Variants in TSNARE1 observed in about 807,000 individuals in gnomAD.
The protein encoded by TSNARE1 is t-SNARE domain containing 1.
Under a neutral mutation model 62.0 loss-of-function variants are expected in TSNARE1, and 49 were observed. That is an observed-to-expected ratio of 0.79 (90% CI 0.63 to 1.00). The LOEUF is 1.00. Among genes scored for constraint, TSNARE1 ranks in the 50% least tolerant of loss-of-function variants. The pLI, the probability that TSNARE1 is intolerant of heterozygous loss-of-function variation, is 0.00. For missense variants in TSNARE1, 755 were observed against 700.1 expected, an observed-to-expected ratio of 1.08 and a Z score of -0.88; for synonymous variants, 328 against 294.4, an observed-to-expected ratio of 1.11 and a Z score of -1.17.
At chr8:142,258,756 A>T (rs959467630) in intron 12 of TSNARE1, among the ~76,000 whole-genome samples, 1 of 152,106 alleles carries the variant, frequency 6.6e-6, no homozygotes. Context: ...TCCTGACCTC[A>T]AGTGATCCAC....
In TSNARE1 at chr8:142,319,884, G is replaced by A. The variant is rs1473339292; in HGVS notation, c.894-1250C>T. Among the ~76,000 whole-genome samples the A allele has an allele frequency of 6.6e-6, 1 of 152,192 alleles. No homozygotes were observed. The highest frequency in any genetic ancestry group is 1.9e-4 in the East Asian group (1 of 5,178). On this transcript the variant is annotated intron_variant, in intron 6 of 13. Transcript: ENST00000524325. This position sits in a 1 kb window ranked among gnomAD's most constrained non-coding sequence, Gnocchi z 4.9. The stretch of plus-strand genomic sequence containing the variant: ...TACTACAGACTAGGCGGGAAGCGCG[G>A]GGACAGGAGCTTTCTTCCCCGGGGC...
At chr8:142,314,903 C>A in intron 8 of TSNARE1, 100 bp downstream of exon 8, 1 of 1,144,496 alleles carries the variant, frequency 8.7e-7, no homozygotes, top group South Asian at 1.3e-5. Context: ...GATGGGGCTG[C>A]ACCAGGCCCA....
chr8:142,271,315 G>A (rs1000005330), intron 12 of TSNARE1: 175 of 1,123,252 alleles, frequency 1.6e-4, no homozygotes, highest in Non-Finnish European at 1.8e-4. Flanking sequence ...GGCTCTGCTC[G>A]GCCAGCCGCT....
At position 142,363,643 on chromosome 8, in the gene TSNARE1, CAG is replaced by C. The variant is rs1280121126; in HGVS notation, c.-39-8882_-39-8881del. On this transcript the variant is annotated intron_variant, in intron 1 of 13. Transcript: ENST00000524325. ...CCTGCCACTCACCCTGAGGGCCAGA[CAG>C]ACACCACGAACTGGTCCCCACAGGA... Among the ~76,000 whole-genome samples the C allele has an allele frequency of 4.6e-5, 7 of 152,294 alleles. No individual in the cohort carries two copies. The East Asian group carries it at 1.4e-3, about 30-fold the overall frequency.
chr8:142,239,450 G>T (rs1352755088), intron 12 of TSNARE1, among the ~76,000 whole-genome samples: 2 of 152,182 alleles, frequency 1.3e-5, no homozygotes, highest in Non-Finnish European at 2.9e-5. Context: ...TTCAGGAAGG[G>T]GCTAGGACGA....
At chr8:142,364,203 C>T (rs561256846) in intron 1 of TSNARE1, among the ~76,000 whole-genome samples, 6 of 152,288 alleles carry the variant, frequency 3.9e-5, no homozygotes, top group South Asian at 4.1e-4. Flanking sequence ...TGAGGTCTGC[C>T]CTCATGGCAG....
intron 1 of TSNARE1, among the ~76,000 whole-genome samples, chr8:142,379,204 G>C (rs999881282): frequency 6.6e-6 from 1 of 152,218 alleles, no homozygotes; most frequent in Non-Finnish European, 1.5e-5. Context: ...CTGTATAGTG[G>C]GCATGCCTCA....
intron 1 of TSNARE1, among the ~76,000 whole-genome samples, chr8:142,383,716 A>T (rs1436901729): frequency 6.6e-6 from 1 of 152,222 alleles, no homozygotes; most frequent in Non-Finnish European, 1.5e-5. Flanking sequence ...TTCAATGTTC[A>T]CAACCCTAGG....
At chr8:142,286,388 G>T (rs1563831982) in intron 10 of TSNARE1, among the ~76,000 whole-genome samples, 1 of 152,246 alleles carries the variant, frequency 6.6e-6, no homozygotes, top group African/African-American at 2.4e-5. Context: ...TCTGGGAAAT[G>T]AAGCAATTAG....
rs557623158 is a variant in TSNARE1 at position 142,346,580 on chromosome 8, T to A, written c.89-688A>T. Among the ~76,000 whole-genome samples, 3 of 152,308 alleles carry A rather than the reference T, an allele frequency of 2.0e-5. No individual in the cohort carries two copies. In the South Asian group the frequency reaches 6.2e-4, roughly 32 times the overall value. On this transcript the variant is annotated intron_variant, in intron 2 of 13. Coordinates refer to ENST00000524325, the MANE Select transcript of TSNARE1 (RefSeq NM_145003.5). ...CCTTTCGATCCACGGCACCCCAGAG[T>A]CACAGACACGCCGTGTGCGCCAGGC...
intron 11 of TSNARE1, chr8:142,280,271 C>T: frequency 1.1e-5 from 11 of 985,316 alleles, no homozygotes; most frequent in South Asian, 4.7e-5. Flanking sequence ...AGGGCTGCCG[C>T]GGCCGGCTCG....
chr8:142,283,332 G>T (rs1422818337), intron 11 of TSNARE1, among the ~76,000 whole-genome samples: 1 of 150,832 alleles, frequency 6.6e-6, no homozygotes, highest in Admixed American at 6.6e-5. Context: ...AATGAGCAGA[G>T]GCGGGGCCAG....
Position 142,326,406 on chromosome 8 carries a change from C to T in TSNARE1, c.893+4495G>A, listed in dbSNP as rs553128542. On this transcript the variant is annotated intron_variant, in intron 6 of 13. Transcript: ENST00000524325. ...GAGACGGATGAGGAACCAGCACCAG[C>T]GAAGGGGAGGGCCCCGGAGACCATG... Among the ~76,000 whole-genome samples, 14 of 96,376 alleles carry T rather than the reference C, an allele frequency of 1.5e-4. 1 individual carries two copies. The highest frequency in any genetic ancestry group is 3.5e-4 in the African/African-American group (7 of 20,266). 63.2% of individuals were successfully genotyped at this position (96,376 alleles called of 152,430 possible). A position where few individuals can be genotyped will look rare whatever the true frequency, so the allele number is the denominator to read the frequency against.
Position 142,300,513 on chromosome 8 carries a change from C to A in TSNARE1, c.1263G>T (p.Leu421=). 6.2e-7 allele frequency: 1 copy of A among 1,608,272 alleles called. No homozygotes were observed. The highest frequency in any genetic ancestry group is 8.5e-7 in the Non-Finnish European group (1 of 1,179,526). Reference sequence around the variant, plus strand: ...CCATCTGCAGGATGGCCTCCTCCCGCAGCCGGATGGCCTCCAGGTCCTCTT... The same window carrying A: ...CCATCTGCAGGATGGCCTCCTCCCGAAGCCGGATGGCCTCCAGGTCCTCTT... The part of the protein sequence containing the change: ...ITEEDLEAIR[L]REEAILQMES... The change falls in exon 10 of 14, where the codon CTG becomes CTT. Residue 421 remains leucine, a synonymous_variant. Coordinates refer to ENST00000524325, the MANE Select transcript of TSNARE1 (RefSeq NM_145003.5).
At chr8:142,256,380 C>A (rs952562373) in intron 12 of TSNARE1, among the ~76,000 whole-genome samples, 17 of 270 alleles carry the variant, frequency 0.063, no homozygotes, top group Admixed American at 0.12. Context: ...TCACCACCAT[C>A]ATCATCACCA....
intron 12 of TSNARE1, among the ~76,000 whole-genome samples, chr8:142,249,811 C>T (rs1356270503): frequency 2.0e-5 from 3 of 152,228 alleles, no homozygotes; most frequent in Non-Finnish European, 4.4e-5. Context: ...CCCATGATGT[C>T]TTCGAGAGAG....
chr8:142,342,592 G>A (rs115052558), intron 4 of TSNARE1, among the ~76,000 whole-genome samples: 4,280 of 152,284 alleles, frequency 0.028, 66 homozygotes, highest in East Asian at 0.068. Flanking sequence ...CCAGGCTGCC[G>A]CCCTCCTCTT....
chr8:142,312,664 T>C (rs946707947), intron 9 of TSNARE1, among the ~76,000 whole-genome samples: 1 of 152,206 alleles, frequency 6.6e-6, no homozygotes, highest in Non-Finnish European at 1.5e-5. Context: ...TCTTAGACTC[T>C]CACATCACGC....
Position 142,345,733 on chromosome 8 carries a change from A to G in TSNARE1, c.238+10T>C, listed in dbSNP as rs1833262488. 3 of 1,587,734 alleles carry G rather than the reference A, an allele frequency of 1.9e-6. No individual in the cohort carries two copies. Among genetic ancestry groups the G allele is most frequent in the Non-Finnish European group, 2.6e-6 (3 of 1,165,598 alleles). On this transcript the variant is annotated intron_variant, in intron 3 of 13. Transcript: ENST00000524325. ...CAGGACCCCTGAGACCCAGCGTCTG[A>G]GTGAAGTACCTCGCTTCCTGGCCCT...
Sources: gnomAD v4.1 joint callset for allele counts (sites outside exome capture counted in the v4.1 genomes callset) on GRCh38, gnomAD v4.1.1 for gene constraint, Gnocchi (gnomAD v3.1) non-coding constraint, MANE v1.5 for transcripts, NCBI Gene and HGNC (gene_info 2026-07-23, HGNC 2026-07-21) for gene names.